IMMP2L: variants seen among roughly 807,000 people sequenced by gnomAD.
IMMP2L encodes inner mitochondrial membrane peptidase subunit 2, also known as mitochondrial inner membrane protease subunit 2.
Under a neutral mutation model 19.3 loss-of-function variants are expected in IMMP2L, and 18 were observed. The ratio of observed to expected loss-of-function variants is 0.93; its 90% CI spans 0.64 to 1.38. The LOEUF (loss-of-function observed/expected upper bound fraction) is 1.38, where lower values mean the gene tolerates loss of function less well. Ranked by LOEUF, IMMP2L falls within the 40% of genes most tolerant of loss-of-function variation. The pLI is 0.00. For synonymous variants in IMMP2L, 76 were observed against 73.0 expected (o/e 1.04, Z -0.21); for missense variants, 233 against 218.2 (o/e 1.07, Z -0.43).
intron 3 of IMMP2L, among the ~76,000 whole-genome samples, chr7:111,310,128 G>A (rs371910983): frequency 5.3e-5 from 8 of 151,586 alleles, no homozygotes; most frequent in East Asian, 1.9e-4. Flanking sequence ...CCAGCTACTC[G>A]CGGGGCTGAG....
intron 3 of IMMP2L, among the ~76,000 whole-genome samples, chr7:111,201,022 T>C (rs1035010876): frequency 6.6e-6 from 1 of 152,210 alleles, no homozygotes; most frequent in Non-Finnish European, 1.5e-5. Context: ...TTAAGTCTTC[T>C]ATAAAGACAA....
At chr7:110,715,946 G>A (rs1308736902) in intron 5 of IMMP2L, among the ~76,000 whole-genome samples, 1 of 152,064 alleles carries the variant, frequency 6.6e-6, no homozygotes, top group Non-Finnish European at 1.5e-5. Flanking sequence ...GTGCTCCAAT[G>A]TTGGGTGCTT....
At chr7:111,483,514 C>T (rs1413394801) in intron 3 of IMMP2L, 1 of 152,076 alleles carries the variant, frequency 6.6e-6, no homozygotes, top group Non-Finnish European at 1.5e-5. Flanking sequence ...ATAAATGTAG[C>T]TACTGAATAA....
chr7:110,715,534 A>T (rs1329775743), intron 5 of IMMP2L, among the ~76,000 whole-genome samples: 1 of 152,182 alleles, frequency 6.6e-6, no homozygotes, highest in Non-Finnish European at 1.5e-5. Flanking sequence ...CCCAAAAATC[A>T]TTCAGGAGCA....
intron 3 of IMMP2L, among the ~76,000 whole-genome samples, chr7:111,350,527 TA>T (rs1452376696): frequency 2.6e-5 from 4 of 152,076 alleles, no homozygotes; most frequent in Middle Eastern, 3.4e-3. Context: ...CTTCCTCAGA[TA>T]GGGGGGTCTA....
intron 4 of IMMP2L, among the ~76,000 whole-genome samples, chr7:110,922,753 C>A (rs555649576): frequency 4.0e-4 from 61 of 152,154 alleles, no homozygotes; most frequent in African/African-American, 1.4e-3. Context: ...CTGCAGCCAC[C>A]GATTGTAAGA....
intron 5 of IMMP2L, among the ~76,000 whole-genome samples, chr7:110,733,457 T>C (rs75129727): frequency 1.7e-5 from 2 of 114,434 alleles, no homozygotes; most frequent in African/African-American, 6.8e-5. Flanking sequence ...CCAAGGAGTG[T>C]TTTTTTTTTT....
intron 5 of IMMP2L, among the ~76,000 whole-genome samples, chr7:110,705,714 T>G (rs1287326264): frequency 6.6e-6 from 1 of 152,054 alleles, no homozygotes; most frequent in African/African-American, 2.4e-5. Flanking sequence ...TACCCAAAAG[T>G]TAGTTTTTCA....
chr7:111,529,144 A>T (rs1382896435), intron 1 of IMMP2L, among the ~76,000 whole-genome samples: 1 of 152,164 alleles, frequency 6.6e-6, no homozygotes, highest in Admixed American at 6.5e-5. Context: ...CCCCAGAGGG[A>T]CCTGTGACAA....
intron 3 of IMMP2L, among the ~76,000 whole-genome samples, chr7:111,246,109 T>C (rs1815628201): frequency 4.7e-5 from 1 of 21,222 alleles, no homozygotes; most frequent in Non-Finnish European, 6.7e-5. Context: ...AGTTCCTCCA[T>C]GTACCTCTGG....
At chr7:111,445,151 C>A (rs984140329) in intron 3 of IMMP2L, among the ~76,000 whole-genome samples, 4 of 151,992 alleles carry the variant, frequency 2.6e-5, no homozygotes, top group African/African-American at 9.7e-5. Context: ...CATCTCTCTT[C>A]TCACAATTAT....
chr7:111,198,058 T>A (rs1212830179), intron 3 of IMMP2L, among the ~76,000 whole-genome samples: 1 of 152,170 alleles, frequency 6.6e-6, no homozygotes, highest in Non-Finnish European at 1.5e-5. Context: ...ACATCTGGGT[T>A]TTAATTACAC....
chr7:110,928,975 T>C (rs1304425163), intron 4 of IMMP2L, among the ~76,000 whole-genome samples: 1 of 152,158 alleles, frequency 6.6e-6, no homozygotes, highest in Admixed American at 6.6e-5. Context: ...TTCAATATTA[T>C]AATTTGTATA....
chr7:111,223,651 C>T (rs1322181609), intron 3 of IMMP2L, among the ~76,000 whole-genome samples: 1 of 152,016 alleles, frequency 6.6e-6, no homozygotes, highest in Non-Finnish European at 1.5e-5. Context: ...GCTTAATTAC[C>T]CAGCAAATCT....
rs1385796500 is a variant in IMMP2L at position 111,217,120 on chromosome 7, T to TCA, written c.240-253556_240-253555insTG. Reference sequence around the variant, plus strand: ...CCGTCTCTCTCTCTCTCTCTCTCTCTCTCTCTCACACACACACACACACAC... The same window carrying TCA: ...CCGTCTCTCTCTCTCTCTCTCTCTCTCACTCTCTCACACACACACACACACAC... On this transcript the variant is annotated intron_variant, in intron 3 of 5. Coordinates refer to ENST00000405709, the MANE Select transcript of IMMP2L (RefSeq NM_032549.4). 9.4e-3 allele frequency among the ~76,000 whole-genome samples: 1,293 copies of TCA among 137,798 alleles called. 5 individuals are homozygous for TCA. Among genetic ancestry groups the TCA allele is most frequent in the Non-Finnish European group, 0.012 (801 of 64,290 alleles). The allele number at this position is 137,798 out of a possible 152,430, so 90.4% of individuals were successfully genotyped here. A position where few individuals can be genotyped will look rare whatever the true frequency, so the allele number is the denominator to read the frequency against.
chr7:111,429,568 C>G (rs1249754468), intron 3 of IMMP2L, among the ~76,000 whole-genome samples: 2 of 151,564 alleles, frequency 1.3e-5, no homozygotes, highest in African/African-American at 4.9e-5. Flanking sequence ...AAAAAATCAA[C>G]ATAGAATTCC....
chr7:110,753,571 C>T (rs1211067781), intron 5 of IMMP2L, among the ~76,000 whole-genome samples: 9 of 152,052 alleles, frequency 5.9e-5, no homozygotes, highest in African/African-American at 2.2e-4. Context: ...GATTTTCTAA[C>T]AACCACATGC....
intron 2 of IMMP2L, among the ~76,000 whole-genome samples, chr7:111,489,290 G>A (rs1041042404): frequency 4.6e-5 from 7 of 151,834 alleles, no homozygotes; most frequent in African/African-American, 7.3e-5. Context: ...TGATCTGCCC[G>A]CCTCGGCCTC....
At position 111,407,623 on chromosome 7, in the gene IMMP2L, T is replaced by G. The variant is rs559681606; in HGVS notation, c.239+79615A>C. 4.6e-5 allele frequency among the ~76,000 whole-genome samples: 7 copies of G among 151,984 alleles called. No individual in the cohort carries two copies. In the South Asian group the frequency reaches 1.2e-3, roughly 27 times the overall value. On this transcript the variant is annotated intron_variant, in intron 3 of 5. Coordinates refer to ENST00000405709, the MANE Select transcript of IMMP2L (RefSeq NM_032549.4). ...GGGGAAAATCAATAGAAATACAAAA[T>G]AGATTACTGGTTGCCTGGAGGTAGG...
Sources: allele counts gnomAD v4.1 joint callset (sites outside exome capture counted in the v4.1 genomes callset), GRCh38; gene constraint gnomAD v4.1.1; transcripts MANE v1.5; gene names NCBI Gene and HGNC (gene_info 2026-07-23, HGNC 2026-07-21).